Variants in QTMAN observed in about 807,000 individuals in gnomAD.
QTMAN encodes queuosine-tRNA mannosyltransferase, also known as tRNA-queuosine alpha-mannosyltransferase.
At chr2:144,052,132 T>C in the QTMAN span, among the ~76,000 whole-genome samples, 1 of 151,914 alleles carries the variant, frequency 6.6e-6, no homozygotes, top group Non-Finnish European at 1.5e-5. Flanking sequence ...CAGTAAAGGG[T>C]TTGCTGAAGA....
the QTMAN span, among the ~76,000 whole-genome samples, chr2:144,119,445 G>A: frequency 6.6e-6 from 1 of 152,132 alleles, no homozygotes; most frequent in South Asian, 2.1e-4. Flanking sequence ...ATCCTCCAAG[G>A]CACAGCTCCA....
the QTMAN span, among the ~76,000 whole-genome samples, chr2:144,032,498 T>G: frequency 2.6e-5 from 4 of 152,228 alleles, no homozygotes; most frequent in African/African-American, 7.2e-5. Flanking sequence ...ATGTACGTCA[T>G]GAAAATCATA....
the QTMAN span, among the ~76,000 whole-genome samples, chr2:144,060,564 G>A: frequency 6.6e-6 from 1 of 152,130 alleles, no homozygotes; most frequent in Non-Finnish European, 1.5e-5. Context: ...CCCAGCCCAA[G>A]CATCTTAATC....
At chr2:144,307,889 G>T in the QTMAN span, among the ~76,000 whole-genome samples, 1 of 152,148 alleles carries the variant, frequency 6.6e-6, no homozygotes, top group Non-Finnish European at 1.5e-5. Flanking sequence ...CAATCATTTA[G>T]ATGTTAATGC....
chr2:144,167,091 C>T, the QTMAN span, among the ~76,000 whole-genome samples: 181 of 152,288 alleles, frequency 1.2e-3, 2 homozygotes, highest in African/African-American at 4.1e-3. Flanking sequence ...AAGTAGGTCT[C>T]CCATTCAATT....
the QTMAN span, among the ~76,000 whole-genome samples, chr2:144,109,764 T>C: frequency 6.6e-6 from 1 of 152,010 alleles, no homozygotes; most frequent in East Asian, 1.9e-4. Context: ...AGAAGACATT[T>C]ATGCAGCCAA....
chr2:144,110,679 AC>A, the QTMAN span, among the ~76,000 whole-genome samples: 70 of 114,292 alleles, frequency 6.1e-4, 2 homozygotes, highest in Middle Eastern at 4.1e-3. Context: ...AGAAAAATCG[AC>A]CCCCCCCCAA....
At chr2:144,044,607 T>C in the QTMAN span, among the ~76,000 whole-genome samples, 45 of 152,320 alleles carry the variant, frequency 3.0e-4, no homozygotes, top group South Asian at 4.8e-3. Context: ...GTAATAAAAG[T>C]TACAGTTCTG....
At chr2:144,330,322 T>C in the QTMAN span, among the ~76,000 whole-genome samples, 1 of 152,204 alleles carries the variant, frequency 6.6e-6, no homozygotes, top group African/African-American at 2.4e-5. Context: ...CTATATACCA[T>C]ATAGCCTAGG....
the QTMAN span, among the ~76,000 whole-genome samples, chr2:144,047,850 A>G: frequency 6.6e-6 from 1 of 152,236 alleles, no homozygotes; most frequent in African/African-American, 2.4e-5. Flanking sequence ...CAAGAGATGG[A>G]AAAACAACCC....
the QTMAN span, among the ~76,000 whole-genome samples, chr2:144,046,225 A>G: frequency 1.1e-4 from 16 of 152,244 alleles, no homozygotes; most frequent in Non-Finnish European, 8.8e-5. Flanking sequence ...TGATGCTAAT[A>G]TTATCAGATC....
chr2:143,949,298 T>G, the QTMAN span, among the ~76,000 whole-genome samples: 4 of 152,032 alleles, frequency 2.6e-5, no homozygotes. Context: ...TTTCACTTAC[T>G]AGCATTCTGT....
At chr2:143,940,100 T>C in the QTMAN span, 1 of 152,260 alleles carries the variant, frequency 6.6e-6, no homozygotes, top group Admixed American at 6.5e-5. Context: ...ATTTTTCTGA[T>C]TGATCATTAA....
At chr2:144,246,566 C>A in the QTMAN span, among the ~76,000 whole-genome samples, 1 of 119,444 alleles carries the variant, frequency 8.4e-6, no homozygotes, top group South Asian at 2.6e-4. Flanking sequence ...GGCGACAGAG[C>A]GAGACTCCGT....
the QTMAN span, among the ~76,000 whole-genome samples, chr2:143,960,487 G>T: frequency 6.6e-6 from 1 of 152,114 alleles, no homozygotes; most frequent in Non-Finnish European, 1.5e-5. Context: ...TATCAGGAAA[G>T]TCAGAACAAT....
the QTMAN span, among the ~76,000 whole-genome samples, chr2:143,981,391 G>A: frequency 4.0e-5 from 6 of 151,716 alleles, no homozygotes; most frequent in Non-Finnish European, 5.9e-5. Context: ...ATGATATGCC[G>A]TTCATCAAAA....
the QTMAN span, among the ~76,000 whole-genome samples, chr2:144,226,745 G>C: frequency 6.6e-6 from 1 of 152,078 alleles, no homozygotes; most frequent in Non-Finnish European, 1.5e-5. Context: ...GGTTATATAG[G>C]GGATGTTGTA....
chr2:144,233,688 A>T, the QTMAN span, among the ~76,000 whole-genome samples: 1 of 152,188 alleles, frequency 6.6e-6, no homozygotes, highest in Non-Finnish European at 1.5e-5. Flanking sequence ...AAAGAATGAT[A>T]TAGTTTGGGG....
At chr2:144,104,798 C>G in the QTMAN span, among the ~76,000 whole-genome samples, 4 of 152,198 alleles carry the variant, frequency 2.6e-5, no homozygotes, top group African/African-American at 7.2e-5. Flanking sequence ...TGAGAACGGA[C>G]AGACTGCCTC....
Sources: gnomAD v4.1 joint callset for allele counts (sites outside exome capture counted in the v4.1 genomes callset) on GRCh38, gnomAD v4.1.1 for gene constraint, MANE v1.5 for transcripts, NCBI Gene and HGNC (gene_info 2026-07-23, HGNC 2026-07-21) for gene names.